EZR: variants seen among roughly 807,000 people sequenced by gnomAD.
EZR encodes the protein ezrin, also known as cytovillin 2.
Under a neutral mutation model 74.8 loss-of-function variants are expected in EZR, and 40 were observed. The observed-to-expected ratio is 0.53, with a 90% CI of 0.42 to 0.70. The LOEUF (loss-of-function observed/expected upper bound fraction) is 0.70, where lower values mean the gene tolerates loss of function less well. Ranked by LOEUF, EZR falls within the 30% of genes least tolerant of loss-of-function variation. EZR has a pLI of 0.00. For synonymous variants in EZR, 341 were observed against 283.3 expected (o/e 1.20, Z -2.05); for missense variants, 678 against 755.8 (o/e 0.90, Z 1.21).
At chr6:158,813,574 A>ACGCATCCTCCTCAATTG (rs1777491751) in intron 2 of EZR, among the ~76,000 whole-genome samples, 1 of 152,232 alleles carries the variant, frequency 6.6e-6, no homozygotes, top group Non-Finnish European at 1.5e-5. Flanking sequence ...AACAGATGCT[A>ACGCATCCTCCTCAATTG]CGCATCCTCC....
At position 158,783,788 on chromosome 6, in the gene EZR, G is replaced by A. The variant is rs570226279; in HGVS notation, c.552-122C>T. ...TAGGATGGGCTCAATGCTGTGTGCT[G>A]CGTGCAGGCAGGCAGGGGCCGGGCA... On this transcript the variant is annotated intron_variant, in intron 6 of 13. Coordinates refer to ENST00000367075, the MANE Select transcript of EZR (RefSeq NM_001111077.2). 4.1e-5 allele frequency: 45 copies of A among 1,100,868 alleles called. No homozygotes were observed. In the African/African-American group the frequency reaches 5.6e-4, roughly 14 times the overall value. The allele number at this position is 1,100,868 out of a possible 1,614,324, so 68.2% of individuals were successfully genotyped here. A position where few individuals can be genotyped will look rare whatever the true frequency, so the allele number is the denominator to read the frequency against.
chr6:158,767,571 T>C, intron 12 of EZR, 59 bp from the exon 13 acceptor site: 2 of 1,513,518 alleles, frequency 1.3e-6, no homozygotes, highest in East Asian at 4.5e-5. Flanking sequence ...CTCCTGGCTA[T>C]GAGAACAGAC....
rs113073551 is a variant in EZR at position 158,791,910 on chromosome 6, G to A, written c.13-2539C>T. On this transcript the variant is annotated intron_variant, in intron 2 of 13. Coordinates refer to ENST00000367075, the MANE Select transcript of EZR (RefSeq NM_001111077.2). ...TTTTTAGTAGAGACAGGGTTTCACCGTGTTAGCCAGGATGGTCTCAATCTC... is the reference window on the plus strand; with the variant it reads ...TTTTTAGTAGAGACAGGGTTTCACCATGTTAGCCAGGATGGTCTCAATCTC... Among the ~76,000 whole-genome samples the A allele has an allele frequency of 4.9e-3, 742 of 151,504 alleles. 9 individuals are homozygous for A. The highest frequency in any genetic ancestry group is 0.016 in the African/African-American group (667 of 41,254).
intron 2 of EZR, among the ~76,000 whole-genome samples, chr6:158,790,364 T>C (rs956036391): frequency 6.6e-6 from 1 of 152,212 alleles, no homozygotes; most frequent in East Asian, 1.9e-4. Flanking sequence ...AATGTTGCCA[T>C]GTAGTTGTTT....
chr6:158,805,337 GAAAAAAA>G (rs56269785), intron 2 of EZR, among the ~76,000 whole-genome samples: 2 of 116,892 alleles, frequency 1.7e-5, no homozygotes, highest in South Asian at 2.8e-4. Context: ...TCCATCTCAG[GAAAAAAA>G]AAAAAAAAAA....
chr6:158,794,303 CCACCAGCACCAG>C (rs960134177), intron 2 of EZR, among the ~76,000 whole-genome samples: 7 of 152,168 alleles, frequency 4.6e-5, no homozygotes, highest in East Asian at 1.9e-4. Flanking sequence ...ACCAGCACTA[CCACCAGCACCAG>C]CACCAGCACC....
intron 2 of EZR, among the ~76,000 whole-genome samples, chr6:158,811,277 G>A (rs1777445332): frequency 2.0e-5 from 3 of 152,048 alleles, no homozygotes; most frequent in African/African-American, 7.2e-5. Flanking sequence ...TGAAATAAGG[G>A]ATAATTCAAA....
chr6:158,797,259 C>A (rs189628223), intron 2 of EZR, among the ~76,000 whole-genome samples: 16 of 152,196 alleles, frequency 1.1e-4, no homozygotes, highest in Middle Eastern at 6.8e-3. Flanking sequence ...GACAAAAGAA[C>A]CAGATTTAAT....
chr6:158,784,484 A>T (rs1317693579), intron 6 of EZR, among the ~76,000 whole-genome samples, 160 bp downstream of exon 6: 2 of 152,328 alleles, frequency 1.3e-5, no homozygotes, highest in African/African-American at 4.8e-5. Context: ...TGTTTAAAAA[A>T]AACCTCTTCC....
At chr6:158,818,443 G>A (rs2128578898) in intron 1 of EZR, among the ~76,000 whole-genome samples, 1 of 151,422 alleles carries the variant, frequency 6.6e-6, no homozygotes, top group Admixed American at 6.6e-5. Flanking sequence ...GGGTGGGTCC[G>A]AGGAGAGGGG....
At chr6:158,781,551 C>T (rs1791432242) in intron 7 of EZR, among the ~76,000 whole-genome samples, 1 of 152,192 alleles carries the variant, frequency 6.6e-6, no homozygotes, top group Non-Finnish European at 1.5e-5. Context: ...TGTTTTCCTG[C>T]AGGTTGAAAA....
Position 158,767,351 on chromosome 6 carries a change from C to G in EZR, c.1506G>C (p.Glu502Asp). The part of the protein sequence containing the change: ...EGAEPTGYSA[E>D]LSSEGIRDDR... Reference sequence around the variant, plus strand: ...CATCCCGGATGCCCTCACTAGACAGCTCCGCGCTGTAGCCCGTGGGCTCTG... The same window carrying G: ...CATCCCGGATGCCCTCACTAGACAGGTCCGCGCTGTAGCCCGTGGGCTCTG... Residue 502 changes from glutamate to aspartate, a missense_variant, in exon 13 of 14, where the codon GAG (glutamate) becomes GAC (aspartate). Transcript: ENST00000367075. 1 of 1,614,142 alleles carries G rather than the reference C, an allele frequency of 6.2e-7. No homozygotes were observed. The highest frequency in any genetic ancestry group is 8.5e-7 in the Non-Finnish European group (1 of 1,180,008).
At chr6:158,792,965 C>T (rs1791784205) in intron 2 of EZR, among the ~76,000 whole-genome samples, 1 of 152,078 alleles carries the variant, frequency 6.6e-6, no homozygotes, top group Non-Finnish European at 1.5e-5. Context: ...TTTACCTATG[C>T]TCCAACACCC....
At chr6:158,770,194 ACC>A (rs941165552) in intron 10 of EZR, among the ~76,000 whole-genome samples, 8 of 152,046 alleles carry the variant, frequency 5.3e-5, no homozygotes, top group African/African-American at 1.9e-4. Flanking sequence ...GCCTGACTCA[ACC>A]CTCTTGGCGC....
rs1303078644 is a variant in EZR, at chr6:158,766,785, G to A, written c.*129C>T. On this transcript the variant is annotated 3_prime_UTR_variant, in exon 14 of 14. Transcript: ENST00000367075. ...GTTCCCAGCCCAGAATGTTTCTGTT[G>A]GGTAACTGCTTTCTAAAGGAACTGG... 3.1e-6 allele frequency: 3 copies of A among 953,970 alleles called. No homozygotes were observed. The highest frequency in any genetic ancestry group is 1.6e-5 in the African/African-American group (1 of 61,038). 59.1% of individuals were successfully genotyped at this position (953,970 alleles called of 1,614,324 possible).
At chr6:158,815,364 A>G (rs576187124) in intron 2 of EZR, among the ~76,000 whole-genome samples, 1 of 152,336 alleles carries the variant, frequency 6.6e-6, no homozygotes, top group African/African-American at 2.4e-5. Flanking sequence ...ACACACAGAA[A>G]GGCTTAGTGT....
At chr6:158,797,239 T>C (rs1046763558) in intron 2 of EZR, among the ~76,000 whole-genome samples, 11 of 152,178 alleles carry the variant, frequency 7.2e-5, no homozygotes, top group Admixed American at 2.6e-4. Context: ...AGAGCAACCC[T>C]TGAGTCTTAG....
rs73030056 is a variant in EZR, at chr6:158,803,337, C to A, written c.13-13966G>T. Among the ~76,000 whole-genome samples the A allele has an allele frequency of 3.4e-4, 52 of 151,086 alleles. No homozygotes were observed. The South Asian group carries it at 0.011, about 31-fold the overall frequency. ...TCGATACGAGGTATACGGTTATCCT[C>A]GTCTGATGACCTTTTTTTAATGGTT... On this transcript the variant is annotated intron_variant, in intron 2 of 13. Transcript: ENST00000367075.
intron 2 of EZR, among the ~76,000 whole-genome samples, chr6:158,807,316 A>G (rs977874702): frequency 7.4e-5 from 1 of 13,590 alleles, no homozygotes; most frequent in African/African-American, 1.4e-3. Context: ...CTCCGTCTCA[A>G]AAAAAAAAAA....
Sources: gnomAD v4.1 joint callset for allele counts (sites outside exome capture counted in the v4.1 genomes callset) on GRCh38, gnomAD v4.1.1 for gene constraint, MANE v1.5 for transcripts, NCBI Gene and HGNC (gene_info 2026-07-23, HGNC 2026-07-21) for gene names.